DCC: variants seen among roughly 807,000 people sequenced by gnomAD.
DCC encodes the protein netrin receptor DCC.
In DCC, 58 loss-of-function variants were observed where a neutral mutation model predicts 172.5. The observed-to-expected ratio is 0.34, with a 90% CI of 0.27 to 0.42. DCC has a LOEUF of 0.42. Ranked by LOEUF, DCC falls within the 10% of genes least tolerant of loss-of-function variation. DCC has a pLI of 1.00. For synonymous variants in DCC, 709 were observed against 644.5 expected (o/e 1.10, Z -1.52); for missense variants, 1,740 against 1,791.0 (o/e 0.97, Z 0.51).
chr18:52,489,797 A>C (rs1164629456), intron 1 of DCC, among the ~76,000 whole-genome samples: 1 of 152,086 alleles, frequency 6.6e-6, no homozygotes, highest in Non-Finnish European at 1.5e-5. Flanking sequence ...AATCTCTTTC[A>C]TCTGAATTTG....
chr18:53,301,171 C>T (rs184911125), intron 12 of DCC, among the ~76,000 whole-genome samples: 1 of 150,206 alleles, frequency 6.7e-6, no homozygotes, highest in African/African-American at 2.5e-5. Context: ...CTCACTGCAA[C>T]CTCCACCTTC....
chr18:52,741,328 C>A (rs1568075160), intron 1 of DCC, among the ~76,000 whole-genome samples: 1 of 152,196 alleles, frequency 6.6e-6, no homozygotes, highest in Non-Finnish European at 1.5e-5. Flanking sequence ...AATCTAGTTT[C>A]TCTGCTTCTT....
chr18:53,445,136 A>G (rs1001698321), intron 22 of DCC, among the ~76,000 whole-genome samples: 1 of 152,216 alleles, frequency 6.6e-6, no homozygotes, highest in African/African-American at 2.4e-5. Context: ...ATTTTAGGGT[A>G]CAATGGGCTA....
At chr18:52,577,951 G>A (rs187100869) in intron 1 of DCC, among the ~76,000 whole-genome samples, 99 of 152,230 alleles carry the variant, frequency 6.5e-4, no homozygotes, top group Admixed American at 2.4e-3. Context: ...TCACCTACCC[G>A]TGCTAAAAAT....
At chr18:52,534,121 T>C (rs1049369671) in intron 1 of DCC, among the ~76,000 whole-genome samples, 10 of 152,130 alleles carry the variant, frequency 6.6e-5, no homozygotes, top group African/African-American at 2.2e-4. Context: ...TGGAAAAATA[T>C]GTTTAGTAGC....
At chr18:52,747,990 G>A (rs1036783697) in intron 1 of DCC, among the ~76,000 whole-genome samples, 1 of 152,180 alleles carries the variant, frequency 6.6e-6, no homozygotes, top group Non-Finnish European at 1.5e-5. Context: ...CGAGCTGGCC[G>A]CTGAGCTGGT....
At chr18:53,279,079 T>G (rs1163512369) in intron 12 of DCC, among the ~76,000 whole-genome samples, 1 of 152,212 alleles carries the variant, frequency 6.6e-6, no homozygotes, top group Non-Finnish European at 1.5e-5. Context: ...ACCTGTTGTT[T>G]CCTGGCTTTT....
intron 25 of DCC, among the ~76,000 whole-genome samples, chr18:53,484,430 T>C (rs900070760): frequency 5.0e-4 from 76 of 152,094 alleles, no homozygotes; most frequent in African/African-American, 1.7e-3. Flanking sequence ...AGAAGCTTTT[T>C]AGTCTGGTGC....
At chr18:52,453,905 T>C (rs1988381956) in intron 1 of DCC, among the ~76,000 whole-genome samples, 2 of 152,208 alleles carry the variant, frequency 1.3e-5, no homozygotes, top group Non-Finnish European at 1.5e-5. Context: ...AATGACTTGT[T>C]ACATCTTGAA....
In DCC at chr18:52,873,392, T is replaced by C. The variant is rs549222550; in HGVS notation, c.413-32652T>C. On this transcript the variant is annotated intron_variant, in intron 2 of 28. Transcript: ENST00000442544. ...CCAATATGTAGGAAATACAGACATA[T>C]CAGTCAGTAGATATATACACGAGCT... is the stretch of plus-strand genomic sequence containing the variant. 2.6e-5 allele frequency among the ~76,000 whole-genome samples: 4 copies of C among 152,268 alleles called. No individual in the cohort carries two copies. In the East Asian group the frequency reaches 7.7e-4, roughly 29 times the overall value.
intron 5 of DCC, among the ~76,000 whole-genome samples, chr18:52,961,492 T>G (rs192030188): frequency 6.6e-6 from 1 of 152,218 alleles, no homozygotes; most frequent in Admixed American, 6.6e-5. Context: ...TGACAGTTTA[T>G]TTCAGAACTG....
intron 2 of DCC, among the ~76,000 whole-genome samples, chr18:52,794,133 T>A (rs982360156): frequency 6.6e-6 from 1 of 152,204 alleles, no homozygotes; most frequent in Non-Finnish European, 1.5e-5. Context: ...CTATTCAGAA[T>A]CTTTTGTGTT....
chr18:53,300,992 T>TCTTTCTTTCTTTCTTTCTTTC, intron 12 of DCC, among the ~76,000 whole-genome samples: 1 of 109,938 alleles, frequency 9.1e-6, no homozygotes, highest in South Asian at 3.1e-4. Flanking sequence ...TTTCTTTCTT[T>TCTTTCTTTCTTTCTTTCTTTC]TTTTTTCTTT....
intron 1 of DCC, among the ~76,000 whole-genome samples, chr18:52,705,793 C>A (rs973152793): frequency 2.0e-5 from 3 of 152,118 alleles, no homozygotes; most frequent in African/African-American, 7.2e-5. Flanking sequence ...ATAGAAGATA[C>A]TTTAAAAGCG....
At chr18:52,717,067 T>TGAATC (rs1243047886) in intron 1 of DCC, among the ~76,000 whole-genome samples, 1 of 152,134 alleles carries the variant, frequency 6.6e-6, no homozygotes, top group African/African-American at 2.4e-5. Context: ...ACCACATGAA[T>TGAATC]GAATCCTCTC....
chr18:53,214,071 T>C (rs1335191194), intron 11 of DCC, among the ~76,000 whole-genome samples: 1 of 152,080 alleles, frequency 6.6e-6, no homozygotes, highest in Non-Finnish European at 1.5e-5. Flanking sequence ...AATATCTTTT[T>C]CCTTATTGGG....
chr18:53,305,459 A>T (rs1257690354), intron 12 of DCC, 119 bp from the exon 13 acceptor site: 1 of 791,280 alleles, frequency 1.3e-6, no homozygotes, highest in Non-Finnish European at 2.2e-6. Flanking sequence ...TCTAAGTGGC[A>T]ATCGCTAACA....
At chr18:53,050,329 T>C (rs894612752) in intron 5 of DCC, among the ~76,000 whole-genome samples, 4 of 152,090 alleles carry the variant, frequency 2.6e-5, no homozygotes, top group Non-Finnish European at 5.9e-5. Context: ...TTTTGCATCC[T>C]TCAATCCAAT....
At chr18:52,757,793 A>C in intron 2 of DCC, among the ~76,000 whole-genome samples, 1 of 152,276 alleles carries the variant, frequency 6.6e-6, no homozygotes, top group African/African-American at 2.4e-5. Context: ...TAATGCTCAG[A>C]AACTGTGATT....
Sources: gnomAD v4.1 joint callset for allele counts (sites outside exome capture counted in the v4.1 genomes callset) on GRCh38, gnomAD v4.1.1 for gene constraint, MANE v1.5 for transcripts, NCBI Gene and HGNC (gene_info 2026-07-23, HGNC 2026-07-21) for gene names.